MRE11: variants seen among roughly 807,000 people sequenced by gnomAD.
The protein encoded by MRE11 is MRE11 double strand break repair nuclease.
Under a neutral mutation model 91.7 loss-of-function variants are expected in MRE11, and 62 were observed. The observed-to-expected ratio is 0.68, with a 90% CI of 0.55 to 0.84. The LOEUF (loss-of-function observed/expected upper bound fraction) is 0.84, where lower values mean the gene tolerates loss of function less well. Among genes scored for constraint, MRE11 ranks in the 40% least tolerant of loss-of-function variants. The pLI is 0.00. For missense variants in MRE11, 796 were observed against 852.9 expected (o/e 0.93, Z 0.83); for synonymous variants, 273 against 271.4 (o/e 1.01, Z -0.06).
chr11:94,488,469 AT>A, intron 3 of MRE11, among the ~76,000 whole-genome samples: 1 of 152,214 alleles, frequency 6.6e-6, no homozygotes, highest in Admixed American at 6.5e-5. Flanking sequence ...ACCCAAAGGA[AT>A]ATAAATCATT....
chr11:94,499,609 T>A, the MRE11 span: 1 of 152,228 alleles, frequency 6.6e-6, no homozygotes, highest in Non-Finnish European at 1.5e-5. Flanking sequence ...TTTACCTGTG[T>A]ATGTCTTTCT....
intron 18 of MRE11, among the ~76,000 whole-genome samples, chr11:94,431,370 C>A (rs1279127035): frequency 1.3e-5 from 2 of 152,132 alleles, no homozygotes; most frequent in African/African-American, 4.8e-5. Flanking sequence ...CCATGCATAA[C>A]CTGCAATTAC....
At chr11:94,486,752 G>A (rs969479908) in intron 3 of MRE11, among the ~76,000 whole-genome samples, 9 of 152,162 alleles carry the variant, frequency 5.9e-5, no homozygotes, top group African/African-American at 1.4e-4. Flanking sequence ...CCTGAGGACA[G>A]AAAGTCTAGA....
chr11:94,481,189 GTCCC>G lies in MRE11; in HGVS notation c.315-1432_315-1429del, dbSNP rs775323735. Among the ~76,000 whole-genome samples, 17 of 152,084 alleles carry G rather than the reference GTCCC, an allele frequency of 1.1e-4. No individual in the cohort carries two copies. The South Asian group carries it at 3.5e-3, about 32-fold the overall frequency. ...CCGTGCATGGTGGCACATGCCTGTA[GTCCC>G]AGCTACTTGGGAGACTGAGGCAGGA... On this transcript the variant is annotated intron_variant, in intron 4 of 19. Coordinates refer to ENST00000323929, the MANE Select transcript of MRE11 (RefSeq NM_005591.4).
At chr11:94,497,193 T>A (rs1327320572), upstream of MRE11, 4 of 575,426 alleles carry the variant, frequency 7.0e-6, no homozygotes, top group Non-Finnish European at 1.2e-5. Context: ...ATCATTTATA[T>A]AAAGTCATTA....
intron 4 of MRE11, among the ~76,000 whole-genome samples, chr11:94,482,521 G>GTA (rs1310417646): frequency 2.0e-5 from 3 of 152,116 alleles, no homozygotes; most frequent in Non-Finnish European, 4.4e-5. Context: ...CAAAAGAAAT[G>GTA]AAATACAAGG....
chr11:94,455,128 C>A (rs1266430553), intron 14 of MRE11, among the ~76,000 whole-genome samples: 3 of 152,018 alleles, frequency 2.0e-5, no homozygotes, highest in Non-Finnish European at 4.4e-5. Context: ...TTGCAATGCA[C>A]CGAATTAATA....
chr11:94,477,059 A>C (rs1946881051), intron 6 of MRE11, among the ~76,000 whole-genome samples: 1 of 152,208 alleles, frequency 6.6e-6, no homozygotes, highest in South Asian at 2.1e-4. Flanking sequence ...TTGCATTTGA[A>C]AAACATTTTC....
chr11:94,470,980 T>C (rs747132448), intron 8 of MRE11, among the ~76,000 whole-genome samples: 2 of 152,014 alleles, frequency 1.3e-5, no homozygotes, highest in Non-Finnish European at 2.9e-5. Context: ...TATATGTACA[T>C]ACATGTACAC....
chr11:94,485,869 T>C (rs1056265773), intron 4 of MRE11, 55 bp downstream of exon 4: 6 of 1,528,840 alleles, frequency 3.9e-6, no homozygotes, highest in South Asian at 3.4e-5. Flanking sequence ...ACGTGTCTTA[T>C]ACAGCAAATA....
the MRE11 span, among the ~76,000 whole-genome samples, chr11:94,507,336 G>C: frequency 6.6e-6 from 1 of 152,122 alleles, no homozygotes; most frequent in Non-Finnish European, 1.5e-5. Context: ...TCCGTTATAT[G>C]AATATGTAAT....
intron 16 of MRE11, among the ~76,000 whole-genome samples, chr11:94,441,336 C>A (rs1375145540): frequency 6.6e-6 from 1 of 152,148 alleles, no homozygotes; most frequent in Non-Finnish European, 1.5e-5. Context: ...GTCCAAGAAA[C>A]CCTCAAATTT....
At chr11:94,498,078 C>G, upstream of MRE11, 1 of 1,601,294 alleles carries the variant, frequency 6.2e-7, no homozygotes, top group Non-Finnish European at 8.5e-7. Flanking sequence ...CAGCTTACCA[C>G]AGTGCGGAGA....
chr11:94,441,094 C>T (rs560038834), intron 16 of MRE11, among the ~76,000 whole-genome samples: 123 of 152,278 alleles, frequency 8.1e-4, no homozygotes, highest in Non-Finnish European at 1.4e-3. Context: ...CCCACTTGCT[C>T]GCTTCCTCCC....
intron 19 of MRE11, 22 bp from the exon 20 acceptor site, chr11:94,420,203 G>T (rs781611957): frequency 8.3e-6 from 13 of 1,570,378 alleles, no homozygotes; most frequent in Middle Eastern, 1.7e-4. Flanking sequence ...TACAAATGTT[G>T]TATTAGTGAT....
upstream of MRE11, chr11:94,498,684 G>A: frequency 1.5e-6 from 1 of 663,092 alleles, no homozygotes; most frequent in South Asian, 2.0e-5. Flanking sequence ...TGACTTTGAT[G>A]TCAAAATGTA....
In MRE11 at chr11:94,484,424, G is replaced by A. The variant is rs116467518; in HGVS notation, c.314+1500C>T. Among the ~76,000 whole-genome samples the A allele has an allele frequency of 6.3e-3, 959 of 152,232 alleles. 5 individuals are homozygous for A. Among genetic ancestry groups the A allele is most frequent in the African/African-American group, 0.02 (841 of 41,536 alleles). On this transcript the variant is annotated intron_variant, in intron 4 of 19. Transcript: ENST00000323929. ...AAATTTAAGGAGGAACAGAAAAGTC[G>A]CACAGCCTCAAAATATCTACCCTAA...
At chr11:94,460,626 C>T (rs1432144712) in intron 12 of MRE11, among the ~76,000 whole-genome samples, 1 of 152,140 alleles carries the variant, frequency 6.6e-6, no homozygotes, top group East Asian at 1.9e-4. Context: ...CTAAGTTTCA[C>T]TTAAGAATGT....
At chr11:94,501,338 C>T in the MRE11 span, among the ~76,000 whole-genome samples, 4 of 151,962 alleles carry the variant, frequency 2.6e-5, no homozygotes, top group African/African-American at 9.7e-5. Flanking sequence ...TTTTAGATAC[C>T]TCATATAAGA....
Sources: allele counts gnomAD v4.1 joint callset (sites outside exome capture counted in the v4.1 genomes callset), GRCh38; gene constraint gnomAD v4.1.1; transcripts MANE v1.5; gene names NCBI Gene and HGNC (gene_info 2026-07-23, HGNC 2026-07-21).